Variants in WDR17 observed in about 807,000 individuals in gnomAD.
WDR17 encodes the protein WD repeat domain 17, also known as WD repeat-containing protein 17.
In WDR17, 143 loss-of-function variants were observed where a neutral mutation model predicts 161.7. That is an observed-to-expected ratio of 0.88 (90% CI 0.77 to 1.02). WDR17 has a LOEUF of 1.02. Among genes scored for constraint, WDR17 ranks in the 50% least tolerant of loss-of-function variants. The pLI is 0.00. For missense variants in WDR17, 1,469 were observed against 1,520.9 expected (o/e 0.97, Z 0.57); for synonymous variants, 517 against 515.6 (o/e 1.00, Z -0.04).
At chr4:176,101,759 A>G (rs962969055) in intron 1 of WDR17, among the ~76,000 whole-genome samples, 30 of 152,216 alleles carry the variant, frequency 2.0e-4, no homozygotes, top group African/African-American at 7.0e-4. Flanking sequence ...TAAAGGAGCA[A>G]AGGCGATACA....
intron 2 of WDR17, among the ~76,000 whole-genome samples, chr4:176,114,189 T>C (rs1470124695): frequency 6.6e-6 from 1 of 152,078 alleles, no homozygotes; most frequent in Non-Finnish European, 1.5e-5. Context: ...TGACTTAAAT[T>C]GCTGAATAAT....
chr4:176,142,107 A>G, intron 11 of WDR17, 38 bp downstream of exon 11: 2 of 1,532,700 alleles, frequency 1.3e-6, no homozygotes, highest in East Asian at 2.3e-5. Context: ...TAATAACTAC[A>G]TTTTGGAAAT....
intron 1 of WDR17, among the ~76,000 whole-genome samples, chr4:176,089,073 T>C (rs1189810158): frequency 6.6e-6 from 1 of 152,194 alleles, no homozygotes; most frequent in African/African-American, 2.4e-5. Flanking sequence ...ATTTTCCCCT[T>C]TTAATTTTGT....
chr4:176,123,766 A>C (rs963110389), intron 4 of WDR17, among the ~76,000 whole-genome samples: 1 of 152,154 alleles, frequency 6.6e-6, no homozygotes, highest in South Asian at 2.1e-4. Flanking sequence ...GCTTTATTAT[A>C]TAGGCATATT....
chr4:176,085,458 A>G (rs1037316459), intron 1 of WDR17, among the ~76,000 whole-genome samples: 1 of 152,058 alleles, frequency 6.6e-6, no homozygotes, highest in African/African-American at 2.4e-5. Flanking sequence ...GTGTATGGGA[A>G]AAGTTTTACA....
At chr4:176,112,708 A>C (rs975194345) in intron 2 of WDR17, among the ~76,000 whole-genome samples, 5 of 152,032 alleles carry the variant, frequency 3.3e-5, no homozygotes, top group African/African-American at 1.2e-4. Flanking sequence ...GACCTCATAA[A>C]ATGGACTGCC....
intron 1 of WDR17, among the ~76,000 whole-genome samples, chr4:176,097,853 T>C (rs1193225907): frequency 6.6e-6 from 1 of 151,950 alleles, no homozygotes; most frequent in African/African-American, 2.4e-5. Context: ...TGTGTTTCCT[T>C]TAAAATGACT....
chr4:176,131,775 T>C (rs936906139), intron 7 of WDR17, 37 bp downstream of exon 7: 31 of 1,426,304 alleles, frequency 2.2e-5, no homozygotes, highest in Non-Finnish European at 2.7e-5. Context: ...TACATAATAG[T>C]TTTTTGTGTA....
chr4:176,078,694 C>T (rs1158092326), intron 1 of WDR17, among the ~76,000 whole-genome samples: 1 of 151,964 alleles, frequency 6.6e-6, no homozygotes, highest in Admixed American at 6.6e-5. Context: ...CTTATCTCTC[C>T]AATTCTACTC....
At chr4:176,156,277 C>A in intron 18 of WDR17, 134 bp downstream of exon 18, 1 of 789,954 alleles carries the variant, frequency 1.3e-6, no homozygotes, top group Non-Finnish European at 1.9e-6. Context: ...AATTTTGTAT[C>A]TACTGATACA....
intron 1 of WDR17, among the ~76,000 whole-genome samples, chr4:176,071,467 C>A (rs1216225011): frequency 6.6e-6 from 1 of 152,074 alleles, no homozygotes; most frequent in Non-Finnish European, 1.5e-5. Context: ...GGATTACAGG[C>A]GCAGGCCATT....
In WDR17 at chr4:176,135,019, A is replaced by T. The variant is rs180934569; in HGVS notation, c.1099-89A>T. ...CATTAATATTTGGAAAACCGTATAC[A>T]TGTGTCAATTTGAGTAAACATTGTG... On this transcript the variant is annotated intron_variant, in intron 7 of 28. Transcript: ENST00000508596. The T allele has an allele frequency of 1.2e-3, 1,539 of 1,318,166 alleles. 6 individuals carry two copies. The highest frequency in any genetic ancestry group is 1.2e-3 in the Non-Finnish European group (1,119 of 935,460). 81.7% of individuals were successfully genotyped at this position (1,318,166 alleles called of 1,614,324 possible). A position where few individuals can be genotyped will look rare whatever the true frequency, so the allele number is the denominator to read the frequency against.
intron 7 of WDR17, among the ~76,000 whole-genome samples, chr4:176,133,417 G>C (rs34900925): frequency 0.27 from 36,744 of 136,508 alleles, 4,956 homozygotes; most frequent in African/African-American, 0.32. Flanking sequence ...TGTGTTAGTA[G>C]AAGAGAAGTC....
At chr4:176,167,644 CAAAAAAAAAAAAAAA>C (rs34187946) in intron 22 of WDR17, among the ~76,000 whole-genome samples, 1 of 23,834 alleles carries the variant, frequency 4.2e-5, no homozygotes, top group African/African-American at 1.6e-4. Context: ...GACTCCGTCT[CAAAAAAAAAAAAAAA>C]AAAAAAAAAA....
chr4:176,171,059 C>A (rs1750664299), intron 23 of WDR17, among the ~76,000 whole-genome samples: 2 of 152,152 alleles, frequency 1.3e-5, no homozygotes, highest in Admixed American at 1.3e-4. Context: ...TTAATGAATA[C>A]TGTACAAAAA....
At chr4:176,116,775 G>A (rs1740713741) in intron 3 of WDR17, among the ~76,000 whole-genome samples, 1 of 151,814 alleles carries the variant, frequency 6.6e-6, no homozygotes, top group African/African-American at 2.4e-5. Flanking sequence ...GGAATTTATA[G>A]GCAATTATCT....
intron 1 of WDR17, among the ~76,000 whole-genome samples, chr4:176,073,346 C>T (rs1041545975): frequency 6.6e-6 from 1 of 152,036 alleles, no homozygotes; most frequent in Non-Finnish European, 1.5e-5. Context: ...TGAGTGAGAA[C>T]ATGCGGTGTT....
rs1752258357 is a variant in WDR17, at chr4:176,182,474, A to C, written c.*2895A>C. On this transcript the variant is annotated 3_prime_UTR_variant, in exon 29 of 29. Transcript: ENST00000508596. The surrounding 1 kb of genome is among the most constrained non-coding windows in gnomAD (Gnocchi z 4.2). Reference sequence around the variant, plus strand: ...ATGTGTTCAGGAACATGATTGCATTAGAGCAATGACTGTATTTTGTTGTCC... The same window carrying C: ...ATGTGTTCAGGAACATGATTGCATTCGAGCAATGACTGTATTTTGTTGTCC... 2 of 151,724 alleles carry C rather than the reference A, an allele frequency of 1.3e-5. No individual in the cohort carries two copies. The allele number at this position is 151,724 out of a possible 1,614,324, so 9.4% of individuals were successfully genotyped here. A position where few individuals can be genotyped will look rare whatever the true frequency, so the allele number is the denominator to read the frequency against.
At chr4:176,076,214 AATAT>A (rs1219401869) in intron 1 of WDR17, among the ~76,000 whole-genome samples, 6,995 of 60,888 alleles carry the variant, frequency 0.11, 216 homozygotes, top group Non-Finnish European at 0.13. Flanking sequence ...TTACATATAT[AATAT>A]ATATATATAT....
Sources: allele counts gnomAD v4.1 joint callset (sites outside exome capture counted in the v4.1 genomes callset), GRCh38; gene constraint gnomAD v4.1.1; non-coding constraint Gnocchi (gnomAD v3.1); transcripts MANE v1.5; gene names NCBI Gene and HGNC (gene_info 2026-07-23, HGNC 2026-07-21).